Variants in PTGR1 observed in about 807,000 individuals in gnomAD.
PTGR1 encodes 15-oxoprostaglandin 13-reductase.
In PTGR1, 23 loss-of-function variants were observed where a neutral mutation model predicts 37.7. That is an observed-to-expected ratio of 0.61 (90% CI 0.44 to 0.86). The LOEUF (loss-of-function observed/expected upper bound fraction) is 0.86, where lower values mean the gene tolerates loss of function less well. PTGR1 is among the 40% of genes least tolerant of loss of function. The pLI, the probability that PTGR1 is intolerant of heterozygous loss-of-function variation, is 0.00. For synonymous variants in PTGR1, 134 were observed against 140.0 expected (o/e 0.96, Z 0.30); for missense variants, 351 against 394.3 (o/e 0.89, Z 0.93).
chr9:111,591,929 C>T (rs1829635726), intron 4 of PTGR1, among the ~76,000 whole-genome samples: 2 of 152,130 alleles, frequency 1.3e-5, no homozygotes, highest in South Asian at 2.1e-4. Flanking sequence ...GATGTGCTTC[C>T]CCCTGCAGAG....
At chr9:111,576,330 C>A in intron 7 of PTGR1, 1 of 1,612,098 alleles carries the variant, frequency 6.2e-7, no homozygotes, top group Non-Finnish European at 8.5e-7. Context: ...TAACCTCAAA[C>A]CAGTACTCAC....
At chr9:111,573,937 T>A (rs1419056751) in intron 8 of PTGR1, among the ~76,000 whole-genome samples, 1 of 152,148 alleles carries the variant, frequency 6.6e-6, no homozygotes, top group Non-Finnish European at 1.5e-5. Context: ...AATCAAGGAA[T>A]GGAGGGAAGC....
intron 5 of PTGR1, among the ~76,000 whole-genome samples, chr9:111,584,203 G>GC (rs1829363730): frequency 6.6e-6 from 1 of 152,184 alleles, no homozygotes; most frequent in South Asian, 2.1e-4. Context: ...AGACACCACC[G>GC]CATCTCATTG....
intron 5 of PTGR1, among the ~76,000 whole-genome samples, chr9:111,583,926 A>G (rs528974677): frequency 3.3e-5 from 5 of 152,298 alleles, no homozygotes; most frequent in South Asian, 2.1e-4. Context: ...TCATTCCCAT[A>G]TAAGTTCTAT....
rs189265213 is a variant in PTGR1 at position 111,549,864 on chromosome 9, C to A, written c.880-65G>T. The A allele has an allele frequency of 2.0e-4, 199 of 1,019,524 alleles. No individual in the cohort carries two copies. The African/African-American group carries it at 2.9e-3, about 15-fold the overall frequency. The allele number at this position is 1,019,524 out of a possible 1,614,324, so 63.2% of individuals were successfully genotyped here. A position where few individuals can be genotyped will look rare whatever the true frequency, so the allele number is the denominator to read the frequency against. ...TTAAGGCAGTTGCTTTAAAGTCTGT[C>A]TAGTGAGTCAATGTTTGGTCTTCCT... is the stretch of plus-strand genomic sequence containing the variant. On this transcript the variant is annotated intron_variant, in intron 9 of 9. Coordinates refer to the PTGR1 transcript ENST00000538962.
At chr9:111,582,082 A>G (rs529431866) in intron 6 of PTGR1, among the ~76,000 whole-genome samples, 1 of 152,304 alleles carries the variant, frequency 6.6e-6, no homozygotes, top group East Asian at 1.9e-4. Context: ...TTAGAGAAAA[A>G]AGAACAAAGA....
chr9:111,552,141 G>A (rs1217507812), intron 9 of PTGR1, among the ~76,000 whole-genome samples: 1 of 152,120 alleles, frequency 6.6e-6, no homozygotes, highest in Non-Finnish European at 1.5e-5. Context: ...GCTACTTTTT[G>A]TCTTTGATTG....
At position 111,583,610 on chromosome 9, in the gene PTGR1, A is replaced by T. The variant is rs769224973; in HGVS notation, c.378-21T>A. On this transcript the variant is annotated intron_variant, in intron 5 of 9. Coordinates refer to ENST00000407693, the MANE Select transcript of PTGR1 (RefSeq NM_001146108.2). The stretch of plus-strand genomic sequence containing the variant: ...TCAGGCTAAAGGAAGAAAATTAAGG[A>T]TATATGAATAGAGTTGTTTCTTTCC... The T allele has an allele frequency of 2.6e-6, 4 of 1,533,756 alleles. No homozygotes were observed. In the South Asian group the frequency reaches 3.4e-5, roughly 13 times the overall value.
intron 9 of PTGR1, chr9:111,549,938 T>C (rs1827890802): frequency 1.7e-6 from 1 of 579,310 alleles, no homozygotes; most frequent in Middle Eastern, 3.5e-4. Flanking sequence ...TGGTCAATAC[T>C]TGTTTCTTTG....
At chr9:111,596,596 C>CAAAA (rs566371612) in intron 2 of PTGR1, among the ~76,000 whole-genome samples, 1 of 130,214 alleles carries the variant, frequency 7.7e-6, no homozygotes, top group Non-Finnish European at 1.7e-5. Context: ...ACTAAAAATA[C>CAAAA]AAAAAAAAAA....
chr9:111,560,972 T>TAGAGAGAG (rs1564607799), downstream of PTGR1, among the ~76,000 whole-genome samples: 2 of 21,320 alleles, frequency 9.4e-5, no homozygotes, highest in African/African-American at 4.0e-4. Flanking sequence ...TATATATATA[T>TAGAGAGAG]ATAGAGAGAG....
chr9:111,571,304 C>T lies in PTGR1; in HGVS notation c.761-1095G>A, dbSNP rs1316348080. On this transcript the variant is annotated intron_variant, in intron 8 of 9. Transcript: ENST00000407693. Reference sequence around the variant, plus strand: ...GCACATGCCTGTAATCCCAGCTACTCAGGAGGCTGAGGCAGGAGAATCGCT... The same window carrying T: ...GCACATGCCTGTAATCCCAGCTACTTAGGAGGCTGAGGCAGGAGAATCGCT... Among the ~76,000 whole-genome samples the T allele has an allele frequency of 2.0e-5, 3 of 149,296 alleles. 1 individual carries two copies. In the Admixed American group the frequency reaches 2.0e-4, roughly 10 times the overall value.
At chr9:111,595,074 C>T (rs529495410) in intron 2 of PTGR1, among the ~76,000 whole-genome samples, 6 of 151,924 alleles carry the variant, frequency 3.9e-5, no homozygotes, top group Admixed American at 1.3e-4. Context: ...AGGCTGGTCT[C>T]GAACTTCTAA....
intron 4 of PTGR1, 173 bp downstream of exon 4, chr9:111,592,753 C>T (rs957611194): frequency 2.4e-6 from 2 of 836,024 alleles, no homozygotes; most frequent in African/African-American, 3.5e-5. Flanking sequence ...ATCCTTCCCT[C>T]CTTTCCAGCT....
At chr9:111,551,469 G>T (rs181916993) in intron 9 of PTGR1, among the ~76,000 whole-genome samples, 2 of 130,308 alleles carry the variant, frequency 1.5e-5, no homozygotes, top group Admixed American at 8.9e-5. Flanking sequence ...GTGCAGTGGC[G>T]CAATCTTGGT....
rs1359871209 is a variant in PTGR1, at chr9:111,574,744, T to G, written c.750A>C (p.Pro250=). The G allele has an allele frequency of 6.2e-7, 1 of 1,612,044 alleles. No individual in the cohort carries two copies. Among genetic ancestry groups the G allele is most frequent in the Non-Finnish European group, 8.5e-7 (1 of 1,178,996 alleles). ...GCATGTGCTCATTACCTGGGGGAAG[T>G]GGGCCGGTTCTGTTATATGTAGAGA... The part of the protein sequence containing the change: ...GAISTYNRTG[P]LPPGPPPEIV... Residue 250 remains proline (P), a synonymous_variant, in exon 8 of 10, where the codon CCA becomes CCC. Transcript: ENST00000407693.
At chr9:111,572,899 C>T (rs1487166136) in intron 8 of PTGR1, among the ~76,000 whole-genome samples, 2 of 151,394 alleles carry the variant, frequency 1.3e-5, no homozygotes, top group African/African-American at 4.9e-5. Flanking sequence ...TGGATTTGTG[C>T]GTGTTGATGA....
chr9:111,583,650 A>G lies in PTGR1; in HGVS notation c.378-61T>C, dbSNP rs114397344. On this transcript the variant is annotated intron_variant, in intron 5 of 9. Coordinates refer to ENST00000407693, the MANE Select transcript of PTGR1 (RefSeq NM_001146108.2). Reference sequence around the variant, plus strand: ...TGTTTCTTTCCTCTATAACTCATTTATATATATCTTGAAAGCCTTCTCAGT... The same window carrying G: ...TGTTTCTTTCCTCTATAACTCATTTGTATATATCTTGAAAGCCTTCTCAGT... 3.1e-4 allele frequency: 419 copies of G among 1,362,758 alleles called. 1 individual carries two copies. In the African/African-American group the frequency reaches 5.6e-3, roughly 18 times the overall value. The allele number at this position is 1,362,758 out of a possible 1,614,324, so 84.4% of individuals were successfully genotyped here. A position where few individuals can be genotyped will look rare whatever the true frequency, so the allele number is the denominator to read the frequency against.
chr9:111,551,502 G>C (rs562255663), intron 9 of PTGR1, among the ~76,000 whole-genome samples: 1 of 146,612 alleles, frequency 6.8e-6, no homozygotes, highest in African/African-American at 2.5e-5. Flanking sequence ...CCGCCTCCTG[G>C]GTTCCAGCAA....
Sources: allele counts gnomAD v4.1 joint callset (sites outside exome capture counted in the v4.1 genomes callset), GRCh38; gene constraint gnomAD v4.1.1; transcripts MANE v1.5; gene names NCBI Gene and HGNC (gene_info 2026-07-23, HGNC 2026-07-21).